Variants in USE1 observed in about 807,000 individuals in gnomAD.
The protein encoded by USE1 is vesicle transport protein USE1.
USE1 carries 32 observed loss-of-function variants against 37.6 expected under a neutral mutation model. The observed-to-expected ratio is 0.85, with a 90% CI of 0.64 to 1.14. USE1 has a LOEUF of 1.14. USE1 is among the 50% of genes most tolerant of loss of function. USE1 has a pLI of 0.00. For missense variants in USE1, 310 were observed against 332.2 expected (o/e 0.93, Z 0.52); for synonymous variants, 149 against 137.6 (o/e 1.08, Z -0.58).
intron 5 of USE1, 134 bp downstream of exon 5, chr19:17,217,596 G>GCTCTTCCTCCAGGTGT: frequency 1.5e-6 from 2 of 1,307,474 alleles, no homozygotes; most frequent in Non-Finnish European, 2.1e-6. Context: ...ACTACACCTG[G>GCTCTTCCTCCAGGTGT]AGGAAGAGCC....
chr19:17,217,196 C>T lies in USE1; in HGVS notation c.385-257C>T, dbSNP rs559645652. Among the ~76,000 whole-genome samples, 15 of 148,580 alleles carry T rather than the reference C, an allele frequency of 1.0e-4. No homozygotes were observed. The East Asian group carries it at 1.4e-3, about 14-fold the overall frequency. ...TGTTGCCCAGGCTAGAGTGTGGTGG[C>T]GCGATCTCGGCTCACTGCAACCTCC... On this transcript the variant is annotated intron_variant, in intron 4 of 7. Transcript: ENST00000263897.
rs2073285958 is a variant in USE1, at chr19:17,215,806, T to C, written c.107T>C (p.Val36Ala). The C allele has an allele frequency of 5.7e-6, 9 of 1,582,120 alleles. No individual in the cohort carries two copies. The highest frequency in any genetic ancestry group is 6.9e-6 in the Non-Finnish European group (8 of 1,163,746). The change falls in exon 2 of 8, where the codon GTG becomes GCG. Residue 36 changes from valine to alanine, a missense_variant. Val to Ala is a moderately conservative substitution (Grantham distance 64). Transcript: ENST00000263897. ...CAATCCACTTTTCCTCCCCAGTACG[T>C]GGGAGCCCTAGAGGACATGTTGCAG... ...DPDEWRLEKY[V>A]GALEDMLQAL...
At position 17,215,597 on chromosome 19, in the gene USE1, A is replaced by G. The variant is rs534832416; in HGVS notation, c.102+90A>G. On this transcript the variant is annotated intron_variant, in intron 1 of 7. Coordinates refer to ENST00000263897, the MANE Select transcript of USE1 (RefSeq NM_018467.4). ...CCACCTGGCCCGACTCCCCGGCCCC[A>G]GTAGCCTCTCGGGCAGCGCCCTTTC... is the stretch of plus-strand genomic sequence containing the variant. 6.1e-5 allele frequency: 90 copies of G among 1,469,818 alleles called. 2 individuals carry two copies. The South Asian group carries it at 1.1e-3, about 19-fold the overall frequency. 91.0% of individuals were successfully genotyped at this position (1,469,818 alleles called of 1,614,324 possible).
chr19:17,215,404 TA>T lies in USE1; in HGVS notation c.1del. ...GAAGGGGTGGTGTAGGGCCGGGCGA[TA>T]ATGGCGGCGTCGAGGCTGGAGCTAA... On this transcript the variant is annotated 5_prime_UTR_variant, in exon 1 of 8. Coordinates refer to ENST00000263897, the MANE Select transcript of USE1 (RefSeq NM_018467.4). The T allele has an allele frequency of 6.4e-7, 1 of 1,556,486 alleles. No individual in the cohort carries two copies. The highest frequency in any genetic ancestry group is 8.7e-7 in the Non-Finnish European group (1 of 1,151,394).
Position 17,219,205 on chromosome 19 carries a change from G to A in USE1, c.423-8G>A, listed in dbSNP as rs1290936791. The A allele has an allele frequency of 6.2e-7, 1 of 1,609,148 alleles. No homozygotes were observed. Among genetic ancestry groups the A allele is most frequent in the Non-Finnish European group, 8.5e-7 (1 of 1,176,194 alleles). ...CTCATGTCCTCCTCCCCCCGTGTGT[G>A]AAATCAGTGGAGTGGCAGGGTCCCA... On this transcript the variant is annotated splice_polypyrimidine_tract_variant and splice_region_variant and intron_variant, in intron 6 of 7. Transcript: ENST00000263897.
chr19:17,217,785 G>A (rs937540677), intron 5 of USE1: 4 of 420,682 alleles, frequency 9.5e-6, no homozygotes, highest in Non-Finnish European at 1.9e-5. Flanking sequence ...AGTGCCACGT[G>A]TCTGTAGTCC....
chr19:17,216,284 G>C lies in USE1; in HGVS notation c.347G>C (p.Arg116Pro). The C allele has an allele frequency of 6.2e-7, 1 of 1,612,910 alleles. No homozygotes were observed. Among genetic ancestry groups the C allele is most frequent in the Non-Finnish European group, 8.5e-7 (1 of 1,179,726 alleles). ...TKTVHLQSRARYTSEMRSELL... is the reference protein window; with the variant it reads ...TKTVHLQSRAPYTSEMRSELL... ...ACGGTGCATCTGCAGTCACGGGCGC[G>C]GTACACCAGCGAGATGCGGAGTGAG... is the stretch of plus-strand genomic sequence containing the variant. The change falls in exon 4 of 8, where the codon CGG (arginine) becomes CCG (proline). Residue 116 changes from arginine to proline, a missense_variant. Transcript: ENST00000263897.
At chr19:17,219,413 G>A (rs1250018403) in intron 7 of USE1, 26 bp downstream of exon 7, 3 of 1,542,756 alleles carry the variant, frequency 1.9e-6, no homozygotes, top group African/African-American at 2.7e-5. Flanking sequence ...GAGCTCTCCA[G>A]CCTCTGCCCT....
Position 17,219,186 on chromosome 19 carries a change from T to C in USE1, c.423-27T>C, listed in dbSNP as rs560453011. 20 of 1,599,418 alleles carry C rather than the reference T, an allele frequency of 1.3e-5. No homozygotes were observed. In the East Asian group the frequency reaches 4.3e-4, roughly 34 times the overall value. On this transcript the variant is annotated intron_variant, in intron 6 of 7. Transcript: ENST00000263897. ...CCCCTTTCCCACTCCATCTCTCATG[T>C]CCTCCTCCCCCCGTGTGTGAAATCA...
chr19:17,219,126 CAAAAA>C, intron 6 of USE1, 82 bp from the exon 7 acceptor site: 16 of 1,320,660 alleles, frequency 1.2e-5, no homozygotes, highest in Admixed American at 2.8e-5. Context: ...GACTCTGTAT[CAAAAA>C]AAAAAAAAAA....
At position 17,219,744 on chromosome 19, in the gene USE1, G is replaced by C; in HGVS notation, c.711G>C (p.Met237Ile). The C allele has an allele frequency of 6.2e-7, 1 of 1,612,902 alleles. No individual in the cohort carries two copies. The highest frequency in any genetic ancestry group is 8.5e-7 in the Non-Finnish European group (1 of 1,179,288). Reference sequence around the variant, plus strand: ...CAGTCAACTGGCTGCTCTGGGCCATGCTCATTATCGTCTGCTTCATCTTCA... The same window carrying C: ...CAGTCAACTGGCTGCTCTGGGCCATCCTCATTATCGTCTGCTTCATCTTCA... ...QKSVNWLLWAMLIIVCFIFIS... is the reference protein window; with the variant it reads ...QKSVNWLLWAILIIVCFIFIS... Residue 237 changes from methionine to isoleucine, a missense_variant, in exon 8 of 8, where the codon ATG becomes ATC. Physicochemically the swap from Met to Ile is conservative, Grantham distance 10. Transcript: ENST00000263897.
rs759107910 is a variant in USE1, at chr19:17,216,252, C to A, written c.315C>A (p.Ala105=). ...CCACAGCCAGAGAGCGAGTGCCCGC[C>A]ACAAAGACGGTGCATCTGCAGTCAC... The part of the protein sequence containing the change: ...VPTTARERVP[A]TKTVHLQSRA... Residue 105 remains alanine, a synonymous_variant, in exon 4 of 8, where the codon GCC becomes GCA. Transcript: ENST00000263897. 11 of 1,613,178 alleles carry A rather than the reference C, an allele frequency of 6.8e-6. No homozygotes were observed. The highest frequency in any genetic ancestry group is 9.3e-6 in the Non-Finnish European group (11 of 1,179,860).
Position 17,217,474 on chromosome 19 carries a change from T to C in USE1, c.394+12T>C. ...ACAGGACTCTGCAGGTGAGTCACCA[T>C]GAACACAACAGGACTTGAGGGCCAG... On this transcript the variant is annotated intron_variant, in intron 5 of 7. Transcript: ENST00000263897. 6.2e-7 allele frequency: 1 copy of C among 1,610,964 alleles called. No individual in the cohort carries two copies. Among genetic ancestry groups the C allele is most frequent in the Non-Finnish European group, 8.5e-7 (1 of 1,178,230 alleles).
rs768523611 is a variant in USE1 at position 17,219,332 on chromosome 19, G to A, written c.542G>A (p.Arg181Gln). The change falls in exon 7 of 8, where the codon CGG becomes CAG. Residue 181 changes from arginine to glutamine, a missense_variant. Coordinates refer to ENST00000263897, the MANE Select transcript of USE1 (RefSeq NM_018467.4). ...GCGGAAGAGATGCTAGGACTGGCCC[G>A]GAGCCTCAAGACCAATACCCTGGCC... ...KLAEEMLGLA[R>Q]SLKTNTLAAQ... 3.6e-5 allele frequency: 57 copies of A among 1,596,332 alleles called. No individual in the cohort carries two copies. Among genetic ancestry groups the A allele is most frequent in the South Asian group, 6.8e-5 (6 of 88,650 alleles).
chr19:17,219,141 A>G, intron 6 of USE1, 72 bp from the exon 7 acceptor site: 1 of 1,505,192 alleles, frequency 6.6e-7, no homozygotes, highest in Non-Finnish European at 8.9e-7. Flanking sequence ...AAAAAAAAAA[A>G]GAAAATGTGT....
intron 5 of USE1, chr19:17,218,126 C>A: frequency 9.3e-6 from 5 of 536,726 alleles, no homozygotes; most frequent in Non-Finnish European, 1.7e-5. Flanking sequence ...TAGGCACTCC[C>A]AGCCTATGGG....
At chr19:17,216,136 C>T (rs917947009) in intron 3 of USE1, 33 bp from the exon 4 acceptor site, 1 of 1,613,302 alleles carries the variant, frequency 6.2e-7, no homozygotes, top group Non-Finnish European at 8.5e-7. Flanking sequence ...AGGACCTGCC[C>T]CTCCAGTGAC....
chr19:17,219,408 C>A (rs775295704), intron 7 of USE1, 21 bp downstream of exon 7: 12 of 1,544,900 alleles, frequency 7.8e-6, no homozygotes, highest in Middle Eastern at 1.8e-4. Context: ...TGGGGGAGCT[C>A]TCCAGCCTCT....
chr19:17,215,449 C>G lies in USE1; in HGVS notation c.44C>G (p.Ser15Cys), dbSNP rs982954543. ...GAGCTAAACCTGGTGCGGCTGCTAT[C>G]CCGCTGCGAGGCGATGGCAGCGGAG... ...RLELNLVRLLSRCEAMAAEKR... is the reference protein window; with the variant it reads ...RLELNLVRLLCRCEAMAAEKR... Residue 15 changes from serine (S) to cysteine (C), a missense_variant, in exon 1 of 8, where the codon TCC becomes TGC. Physicochemically the swap from Ser to Cys is moderately radical, Grantham distance 112 (BLOSUM62 -1). Transcript: ENST00000263897. 4.5e-6 allele frequency: 7 copies of G among 1,563,324 alleles called. No homozygotes were observed. In the African/African-American group the frequency reaches 9.5e-5, roughly 21 times the overall value.
Sources: gnomAD v4.1 joint callset for allele counts (sites outside exome capture counted in the v4.1 genomes callset) on GRCh38, gnomAD v4.1.1 for gene constraint, MANE v1.5 for transcripts, NCBI Gene and HGNC (gene_info 2026-07-23, HGNC 2026-07-21) for gene names.